Variants in ZNF800 observed in about 807,000 individuals in gnomAD.
ZNF800 encodes the protein zinc finger protein 800.
A neutral mutation model predicts 59.5 loss-of-function variants in ZNF800; 13 were observed. That is an observed-to-expected ratio of 0.22 (90% CI 0.14 to 0.35). ZNF800 has a LOEUF of 0.35. Among genes scored for constraint, ZNF800 ranks in the 10% least tolerant of loss-of-function variants. The pLI is 1.00. For missense variants in ZNF800, 621 were observed against 783.7 expected, an observed-to-expected ratio of 0.79 and a Z score of 2.48; for synonymous variants, 266 against 265.7, an observed-to-expected ratio of 1.00 and a Z score of -0.01.
At chr7:127,367,033 T>C (rs567250543), downstream of ZNF800, among the ~76,000 whole-genome samples, 1 of 152,208 alleles carries the variant, frequency 6.6e-6, no homozygotes, top group East Asian at 1.9e-4. Context: ...GTAATTTGTT[T>C]AAAACAAAAT....
Position 127,389,139 on chromosome 7 carries a change from C to T in ZNF800, c.61+2358G>A, listed in dbSNP as rs17868477. Among the ~76,000 whole-genome samples, 509 of 152,034 alleles carry T rather than the reference C, an allele frequency of 3.3e-3. 3 individuals carry two copies. The highest frequency in any genetic ancestry group is 0.012 in the African/African-American group (489 of 41,460). ...CTCTATTTATGACGTATGGGACTTGCTTACAAATATTAGGGAGAGAGAGTA... is the reference window on the plus strand; with the variant it reads ...CTCTATTTATGACGTATGGGACTTGTTTACAAATATTAGGGAGAGAGAGTA... On this transcript the variant is annotated intron_variant, in intron 2 of 5. Transcript: ENST00000265827.
In ZNF800 at chr7:127,392,362, A is replaced by C. The variant is rs963746402; in HGVS notation, c.-361T>G. ...GCGGGCGGAGGCAGTTGACAGGAGGAACCGCCCGGCAGCAGCTGCCGCCGC... is the reference window on the plus strand; with the variant it reads ...GCGGGCGGAGGCAGTTGACAGGAGGCACCGCCCGGCAGCAGCTGCCGCCGC... On this transcript the variant is annotated 5_prime_UTR_variant, in exon 1 of 6. Coordinates refer to ENST00000265827, the MANE Select transcript of ZNF800 (RefSeq NM_176814.5). The C allele has an allele frequency of 5.2e-6, 2 of 382,412 alleles. No homozygotes were observed. Among genetic ancestry groups the C allele is most frequent in the African/African-American group, 4.2e-5 (2 of 47,912 alleles). 23.7% of individuals were successfully genotyped at this position (382,412 alleles called of 1,614,324 possible). A position where few individuals can be genotyped will look rare whatever the true frequency, so the allele number is the denominator to read the frequency against.
chr7:127,347,159 ATGACAT>A (rs1163015035), exon 2 of ZNF800: 1 of 152,262 alleles, frequency 6.6e-6, no homozygotes, highest in Non-Finnish European at 1.5e-5. Flanking sequence ...GATTCTAATG[ATGACAT>A]GGTCTAGAAC....
chr7:127,349,812 CCAAA>C (rs1252877434), intron 1 of ZNF800: 4 of 152,134 alleles, frequency 2.6e-5, no homozygotes, highest in South Asian at 2.1e-4. Context: ...AATGATGTAA[CCAAA>C]CAATGTTAAA....
downstream of ZNF800, among the ~76,000 whole-genome samples, chr7:127,366,799 G>A (rs1326376801): frequency 6.6e-6 from 1 of 152,110 alleles, no homozygotes. Context: ...GACCAAGAGA[G>A]AGCAACTGTC....
Position 127,358,819 on chromosome 7 carries a change from G to A in ZNF800, n.225-10776C>T, listed in dbSNP as rs530266692. Among the ~76,000 whole-genome samples the A allele has an allele frequency of 1.2e-4, 18 of 152,194 alleles. No homozygotes were observed. The East Asian group carries it at 1.9e-3, about 16-fold the overall frequency. On this transcript the variant is annotated intron_variant and non_coding_transcript_variant, in intron 1 of 1. Coordinates refer to the ZNF800 transcript ENST00000485577. Reference sequence around the variant, plus strand: ...CTGTACCTGACTCAGTGCCTCGCACGAAGCAGGAGCTTACTTGTTTACTGA... The same window carrying A: ...CTGTACCTGACTCAGTGCCTCGCACAAAGCAGGAGCTTACTTGTTTACTGA...
chr7:127,366,276 C>T (rs115131130), downstream of ZNF800, among the ~76,000 whole-genome samples: 772 of 152,192 alleles, frequency 5.1e-3, 6 homozygotes, highest in African/African-American at 0.018. Context: ...TATAAAGCAG[C>T]CATTGCACAG....
chr7:127,382,751 A>C (rs2117170952), intron 3 of ZNF800, among the ~76,000 whole-genome samples: 1 of 152,296 alleles, frequency 6.6e-6, no homozygotes, highest in African/African-American at 2.4e-5. Context: ...AAGGTACACA[A>C]GAGTACGTAG....
At chr7:127,379,135 T>C (rs1439617093) in intron 3 of ZNF800, among the ~76,000 whole-genome samples, 1 of 152,206 alleles carries the variant, frequency 6.6e-6, no homozygotes. Context: ...CTGAGTGTTA[T>C]TCTTTACATA....
chr7:127,381,477 C>A (rs1940053908), intron 3 of ZNF800, among the ~76,000 whole-genome samples: 1 of 151,786 alleles, frequency 6.6e-6, no homozygotes, highest in Non-Finnish European at 1.5e-5. Context: ...CTGCCACATA[C>A]CACAATAAAC....
At chr7:127,391,664 G>T in intron 1 of ZNF800, 49 bp from the exon 2 acceptor site, 1 of 942,142 alleles carries the variant, frequency 1.1e-6, no homozygotes, top group Non-Finnish European at 1.7e-6. Flanking sequence ...TTCCTGGGGG[G>T]CACTGGCTGC....
intron 1 of ZNF800, chr7:127,364,237 T>C (rs1374429360): frequency 6.6e-6 from 1 of 152,140 alleles, no homozygotes; most frequent in Admixed American, 6.6e-5. Context: ...TTCACATTTA[T>C]GTGGTGACCT....
intron 2 of ZNF800, among the ~76,000 whole-genome samples, chr7:127,387,678 T>G (rs922367664): frequency 6.6e-6 from 1 of 151,804 alleles, no homozygotes; most frequent in East Asian, 1.9e-4. Context: ...CTGGGCAAAA[T>G]GGCAAGACCC....
chr7:127,350,178 A>G (rs777346936), intron 1 of ZNF800: 1 of 152,152 alleles, frequency 6.6e-6, no homozygotes, highest in African/African-American at 2.4e-5. Flanking sequence ...CTAAATCGAT[A>G]GAGATTCTGA....
chr7:127,355,085 T>G (rs1377770592), intron 1 of ZNF800, among the ~76,000 whole-genome samples: 1 of 152,084 alleles, frequency 6.6e-6, no homozygotes, highest in Non-Finnish European at 1.5e-5. Flanking sequence ...AATTTTGTGG[T>G]AGAGTTTCAA....
intron 1 of ZNF800, among the ~76,000 whole-genome samples, chr7:127,350,694 GT>G (rs1351206221): frequency 6.6e-6 from 1 of 152,104 alleles, no homozygotes; most frequent in Non-Finnish European, 1.5e-5. Context: ...TTTCTGTCTG[GT>G]TAGAGAAAAA....
intron 1 of ZNF800, among the ~76,000 whole-genome samples, chr7:127,351,990 A>G (rs1225553930): frequency 6.6e-6 from 1 of 152,248 alleles, no homozygotes; most frequent in Non-Finnish European, 1.5e-5. Flanking sequence ...GGTATTTCAG[A>G]GCAAGAAACT....
At chr7:127,383,383 A>G (rs1801030148) in intron 3 of ZNF800, among the ~76,000 whole-genome samples, 1 of 152,256 alleles carries the variant, frequency 6.6e-6, no homozygotes, top group African/African-American at 2.4e-5. Context: ...GAGCAAAAGC[A>G]TGGACTTCAG....
At chr7:127,391,720 C>G in intron 1 of ZNF800, 105 bp from the exon 2 acceptor site, 1 of 655,016 alleles carries the variant, frequency 1.5e-6, no homozygotes, top group Non-Finnish European at 2.8e-6. Context: ...TTTCCCTCCA[C>G]GGACCCGCAC....
Sources: gnomAD v4.1 joint callset for allele counts (sites outside exome capture counted in the v4.1 genomes callset) on GRCh38, gnomAD v4.1.1 for gene constraint, MANE v1.5 for transcripts, NCBI Gene and HGNC (gene_info 2026-07-23, HGNC 2026-07-21) for gene names.